The following COL9A1 variants were observed in gnomAD, a reference collection of about 807,000 sequenced individuals.
COL9A1 encodes the protein collagen type IX alpha 1 chain, also known as collagen alpha-1(IX) chain.
Under a neutral mutation model 142.6 loss-of-function variants are expected in COL9A1, and 104 were observed. That is an observed-to-expected ratio of 0.73 (90% confidence interval 0.62 to 0.86). The LOEUF (loss-of-function observed/expected upper bound fraction) is 0.86, where lower values mean the gene tolerates loss of function less well. Among genes scored for constraint, COL9A1 ranks in the 40% least tolerant of loss-of-function variants. The pLI, the probability that COL9A1 is intolerant of heterozygous loss-of-function variation, is 0.00. For synonymous variants in COL9A1, 466 were observed against 396.0 expected (o/e 1.18, Z -2.10); for missense variants, 1,210 against 1,176.6 (o/e 1.03, Z -0.42).
chr6:70,243,090 G>A (rs1446320286), intron 28 of COL9A1, among the ~76,000 whole-genome samples: 4 of 152,192 alleles, frequency 2.6e-5, no homozygotes, highest in Non-Finnish European at 4.4e-5. Context: ...CTAGAACACA[G>A]AATAAATTCT....
At position 70,268,834 on chromosome 6, in the gene COL9A1, G is replaced by C; in HGVS notation, c.1257C>G (p.Arg419=). 6.2e-7 allele frequency: 1 copy of C among 1,613,952 alleles called. No homozygotes were observed. The highest frequency in any genetic ancestry group is 1.6e-4 in the Middle Eastern group (1 of 6,062). ...TGCCTGGTAGGCCTGGATATCCTGA[G>C]CGACCTGGTGGACAGGCATTGGGAC... The part of the protein sequence containing the change: ...PLCPNACPPG[R]SGYPGLPGMR... Residue 419 remains arginine, a synonymous_variant, in exon 17 of 38, where the codon CGC becomes CGG. Coordinates refer to ENST00000357250, the MANE Select transcript of COL9A1 (RefSeq NM_001851.6).
At chr6:70,284,922 A>G (rs1349305042) in intron 5 of COL9A1, among the ~76,000 whole-genome samples, 1 of 152,208 alleles carries the variant, frequency 6.6e-6, no homozygotes, top group African/African-American at 2.4e-5. Flanking sequence ...AATTTTTTTC[A>G]CTGTTTTGGA....
At chr6:70,293,075 T>C (rs1773714618) in intron 5 of COL9A1, among the ~76,000 whole-genome samples, 1 of 152,210 alleles carries the variant, frequency 6.6e-6, no homozygotes, top group African/African-American at 2.4e-5. Flanking sequence ...AAATCCCTGA[T>C]AACCTTTTCT....
At chr6:70,236,460 C>T (rs1769917149) in intron 33 of COL9A1, among the ~76,000 whole-genome samples, 1 of 152,150 alleles carries the variant, frequency 6.6e-6, no homozygotes, top group Non-Finnish European at 1.5e-5. Context: ...CACGAGGCAG[C>T]AAGGGAATGC....
At chr6:70,288,214 C>A (rs192015536) in intron 5 of COL9A1, among the ~76,000 whole-genome samples, 2 of 152,288 alleles carry the variant, frequency 1.3e-5, no homozygotes, top group African/African-American at 4.8e-5. Context: ...CAATTACTCG[C>A]GCCTAAAGTA....
At chr6:70,240,164 A>G (rs1404051600) in intron 32 of COL9A1, among the ~76,000 whole-genome samples, 2 of 152,166 alleles carry the variant, frequency 1.3e-5, no homozygotes, top group Non-Finnish European at 2.9e-5. Flanking sequence ...ACTTGTTCTC[A>G]TTTGTATTCC....
chr6:70,244,540 C>T (rs1770467992), intron 28 of COL9A1, among the ~76,000 whole-genome samples: 1 of 152,146 alleles, frequency 6.6e-6, no homozygotes, highest in Non-Finnish European at 1.5e-5. Flanking sequence ...CTTTAATTCA[C>T]AGAACAATTA....
At chr6:70,279,701 T>G (rs1360884096) in intron 10 of COL9A1, 2 of 254,946 alleles carry the variant, frequency 7.8e-6, no homozygotes, top group Non-Finnish European at 1.4e-5. Context: ...CTAAATAGTA[T>G]AGACACAGTA....
At chr6:70,222,496 A>G (rs922645885) in intron 37 of COL9A1, among the ~76,000 whole-genome samples, 13 of 152,214 alleles carry the variant, frequency 8.5e-5, no homozygotes, top group Non-Finnish European at 1.5e-4. Flanking sequence ...AGCCAAAATG[A>G]TCATCAATGT....
At chr6:70,285,536 G>A (rs1312370505) in intron 5 of COL9A1, among the ~76,000 whole-genome samples, 1 of 152,150 alleles carries the variant, frequency 6.6e-6, no homozygotes, top group Admixed American at 6.5e-5. Flanking sequence ...AAATAATTTA[G>A]TCCTTTTGGC....
intron 37 of COL9A1, among the ~76,000 whole-genome samples, chr6:70,221,101 T>G (rs1768853411): frequency 6.6e-6 from 1 of 152,118 alleles, no homozygotes; most frequent in Non-Finnish European, 1.5e-5. Flanking sequence ...GCTAAACGTT[T>G]TTTTTTTAAA....
chr6:70,251,411 G>T (rs1335808201), intron 28 of COL9A1, among the ~76,000 whole-genome samples: 2 of 152,130 alleles, frequency 1.3e-5, no homozygotes, highest in African/African-American at 2.4e-5. Context: ...GCCAGGTGTG[G>T]TGATGCACCC....
intron 37 of COL9A1, among the ~76,000 whole-genome samples, chr6:70,220,101 G>A (rs983098708): frequency 6.6e-6 from 1 of 151,910 alleles, no homozygotes; most frequent in Non-Finnish European, 1.5e-5. Context: ...TCTGCCTTTG[G>A]CAAATGCAGC....
At position 70,234,523 on chromosome 6, in the gene COL9A1, A is replaced by G; in HGVS notation, c.2314+16T>C. ...AGTTGATGGTGGAAAAAGTCAAACC[A>G]TTGTGATTTATTTACCTTGTATGAC... On this transcript the variant is annotated intron_variant, in intron 35 of 37. Coordinates refer to ENST00000357250, the MANE Select transcript of COL9A1 (RefSeq NM_001851.6). The G allele has an allele frequency of 6.2e-7, 1 of 1,613,634 alleles. No homozygotes were observed. Among genetic ancestry groups the G allele is most frequent in the Non-Finnish European group, 8.5e-7 (1 of 1,179,536 alleles).
In COL9A1 at chr6:70,216,743, G is replaced by C. The variant is rs1379985951; in HGVS notation, c.*154C>G. The C allele has an allele frequency of 1.8e-5, 14 of 787,062 alleles. No homozygotes were observed. The highest frequency in any genetic ancestry group is 2.0e-5 in the Admixed American group (1 of 49,102). The allele number at this position is 787,062 out of a possible 1,614,324, so 48.8% of individuals were successfully genotyped here. A position where few individuals can be genotyped will look rare whatever the true frequency, so the allele number is the denominator to read the frequency against. ...TGAATAGCACCGTTCTTCTATATGT[G>C]ATTGTCAAGTAGGACTTCTGTAATC... On this transcript the variant is annotated 3_prime_UTR_variant, in exon 38 of 38. Transcript: ENST00000357250.
chr6:70,227,822 G>A (rs1396216080), intron 36 of COL9A1, among the ~76,000 whole-genome samples: 1 of 152,110 alleles, frequency 6.6e-6, no homozygotes, highest in Non-Finnish European at 1.5e-5. Context: ...TAGCCAGGAA[G>A]CTCTTTGGAA....
intron 33 of COL9A1, among the ~76,000 whole-genome samples, chr6:70,235,459 TATAATAATAATA>T (rs139009719): frequency 6.6e-6 from 1 of 151,594 alleles, no homozygotes; most frequent in Non-Finnish European, 1.5e-5. Context: ...TCTCAAAAAT[TATAATAATAATA>T]ATAATAATCT....
At chr6:70,235,407 C>G (rs1054411772) in intron 33 of COL9A1, among the ~76,000 whole-genome samples, 4 of 152,028 alleles carry the variant, frequency 2.6e-5, no homozygotes, top group African/African-American at 4.8e-5. Context: ...AAGCGGAGAT[C>G]GTGCCACTGT....
intron 37 of COL9A1, among the ~76,000 whole-genome samples, chr6:70,222,070 G>A (rs752422848): frequency 6.6e-6 from 1 of 152,122 alleles, no homozygotes; most frequent in Non-Finnish European, 1.5e-5. Flanking sequence ...TGTCCACTTT[G>A]GGAACATAGA....
Sources: gnomAD v4.1 joint callset for allele counts (sites outside exome capture counted in the v4.1 genomes callset) on GRCh38, gnomAD v4.1.1 for gene constraint, MANE v1.5 for transcripts, NCBI Gene and HGNC (gene_info 2026-07-23, HGNC 2026-07-21) for gene names.